Variants in CDK14 observed in about 807,000 individuals in gnomAD.
CDK14 encodes cyclin-dependent kinase 14.
A neutral mutation model predicts 60.7 loss-of-function variants in CDK14; 34 were observed. The observed-to-expected ratio is 0.56, with a 90% CI of 0.43 to 0.75. The LOEUF (loss-of-function observed/expected upper bound fraction) is 0.75, where lower values mean the gene tolerates loss of function less well. Among genes scored for constraint, CDK14 ranks in the 30% least tolerant of loss-of-function variants. The pLI, the probability that CDK14 is intolerant of heterozygous loss-of-function variation, is 0.00. For missense variants in CDK14, 482 were observed against 564.1 expected (o/e 0.85, Z 1.47); for synonymous variants, 197 against 203.7 (o/e 0.97, Z 0.28).
intron 8 of CDK14, among the ~76,000 whole-genome samples, chr7:90,921,115 C>G (rs1793236774): frequency 6.6e-6 from 1 of 152,306 alleles, no homozygotes; most frequent in East Asian, 1.9e-4. Context: ...CATTCAGACT[C>G]ATTTCCTAAA....
At chr7:91,048,220 T>G (rs1429896823) in intron 11 of CDK14, among the ~76,000 whole-genome samples, 1 of 152,202 alleles carries the variant, frequency 6.6e-6, no homozygotes, top group Admixed American at 6.5e-5. Flanking sequence ...CTTTCCTTTA[T>G]GTAAATGTAA....
intron 3 of CDK14, among the ~76,000 whole-genome samples, chr7:90,746,927 G>T (rs184658447): frequency 1.3e-5 from 2 of 152,106 alleles, no homozygotes; most frequent in African/African-American, 2.4e-5. Context: ...TCACTAAAAG[G>T]TATCAGAAGA....
chr7:90,850,454 A>T (rs1790612080), intron 5 of CDK14, among the ~76,000 whole-genome samples: 1 of 152,188 alleles, frequency 6.6e-6, no homozygotes, highest in Non-Finnish European at 1.5e-5. Context: ...TCAGGTTATT[A>T]TAATACTGTG....
chr7:91,080,826 A>G (rs1798465949), intron 12 of CDK14, among the ~76,000 whole-genome samples: 1 of 152,230 alleles, frequency 6.6e-6, no homozygotes, highest in East Asian at 1.9e-4. Flanking sequence ...ATCATACTGT[A>G]GCATAGCAGC....
chr7:91,159,110 G>T (rs1260553315), intron 14 of CDK14, among the ~76,000 whole-genome samples: 4 of 152,154 alleles, frequency 2.6e-5, no homozygotes, highest in African/African-American at 4.8e-5. Flanking sequence ...AGCACTGTTT[G>T]GGCAAATATT....
chr7:91,074,864 C>T (rs1798250501), intron 11 of CDK14, among the ~76,000 whole-genome samples: 2 of 152,034 alleles, frequency 1.3e-5, no homozygotes, highest in Admixed American at 1.3e-4. Context: ...CTGTAAACAC[C>T]TCTACACAAA....
chr7:90,863,321 C>CATATT, intron 6 of CDK14, 52 bp downstream of exon 6: 1 of 1,102,056 alleles, frequency 9.1e-7, no homozygotes, highest in Non-Finnish European at 1.4e-6. Flanking sequence ...GAATGAAATT[C>CATATT]TTATAGTGTT....
chr7:90,786,865 G>GCA (rs1219182604), intron 4 of CDK14, among the ~76,000 whole-genome samples: 1 of 145,624 alleles, frequency 6.9e-6, no homozygotes, highest in African/African-American at 2.6e-5. Context: ...GCTGGAGGCT[G>GCA]CAGTGAGCCA....
intron 4 of CDK14, among the ~76,000 whole-genome samples, chr7:90,765,986 G>A (rs747182462): frequency 2.1e-4 from 32 of 152,072 alleles, no homozygotes; most frequent in Non-Finnish European, 4.0e-4. Context: ...CTAATAATGT[G>A]TAGATATGAA....
chr7:90,819,431 TTTAGATAACTCATGTTTACTAA>T (rs1789466342), intron 5 of CDK14, among the ~76,000 whole-genome samples: 1 of 152,116 alleles, frequency 6.6e-6, no homozygotes, highest in Admixed American at 6.5e-5. Flanking sequence ...AAATGCCTAT[TTTAGATAACTCATGTTTACTAA>T]CTGCAATTTG....
intron 13 of CDK14, among the ~76,000 whole-genome samples, chr7:91,115,107 T>C (rs1255000797): frequency 1.3e-5 from 2 of 152,102 alleles, no homozygotes; most frequent in Non-Finnish European, 2.9e-5. Flanking sequence ...TTAAGGAGAT[T>C]TGGAAGGAGA....
intron 2 of CDK14, among the ~76,000 whole-genome samples, chr7:90,611,916 T>A (rs1799546549): frequency 7.1e-6 from 1 of 140,738 alleles, no homozygotes; most frequent in South Asian, 2.4e-4. Flanking sequence ...CACTGCAACC[T>A]CCACCTCCAG....
intron 9 of CDK14, among the ~76,000 whole-genome samples, chr7:90,971,192 A>C (rs1187644994): frequency 2.0e-5 from 3 of 151,408 alleles, no homozygotes; most frequent in African/African-American, 7.3e-5. Context: ...TAGTTATTGA[A>C]CACCTATTTT....
At chr7:91,005,613 C>T (rs1198528564) in intron 10 of CDK14, among the ~76,000 whole-genome samples, 1 of 152,150 alleles carries the variant, frequency 6.6e-6, no homozygotes, top group Non-Finnish European at 1.5e-5. Context: ...GCTCCTAGTC[C>T]AAGCAAGATG....
intron 2 of CDK14, chr7:90,631,864 A>G (rs1800004685): frequency 6.6e-6 from 1 of 152,268 alleles, no homozygotes; most frequent in Non-Finnish European, 1.5e-5. Flanking sequence ...CTGAAGGTGA[A>G]TCCATTTAAG....
At chr7:90,986,794 AATTAT>A (rs920716614) in intron 10 of CDK14, among the ~76,000 whole-genome samples, 4 of 151,956 alleles carry the variant, frequency 2.6e-5, no homozygotes, top group Non-Finnish European at 4.4e-5. Context: ...AGTATAACCA[AATTAT>A]ATTCTGATAA....
Position 90,949,652 on chromosome 7 carries a change from A to G in CDK14, c.827-6045A>G, listed in dbSNP as rs761054626. ...TGTCTTCTGGACTTAATTCCTTTTT[A>G]TTTATGTTCAAAGAATACCCTTATT... is the stretch of plus-strand genomic sequence containing the variant. On this transcript the variant is annotated intron_variant, in intron 8 of 14. Coordinates refer to ENST00000380050, the MANE Select transcript of CDK14 (RefSeq NM_001287135.2). Among the ~76,000 whole-genome samples the G allele has an allele frequency of 1.4e-4, 21 of 152,290 alleles. No individual in the cohort carries two copies. The Middle Eastern group carries it at 0.01, about 74-fold the overall frequency.
At chr7:91,070,284 G>A (rs1798104014) in intron 11 of CDK14, among the ~76,000 whole-genome samples, 1 of 152,072 alleles carries the variant, frequency 6.6e-6, no homozygotes, top group African/African-American at 2.4e-5. Context: ...GGTGGTGGTG[G>A]TGGTGGTGGT....
At chr7:90,698,917 A>G (rs1014361461) in intron 2 of CDK14, among the ~76,000 whole-genome samples, 2 of 152,214 alleles carry the variant, frequency 1.3e-5, no homozygotes, top group African/African-American at 2.4e-5. Flanking sequence ...ACAAGGGGAA[A>G]TATGACAGTG....
Sources: gnomAD v4.1 joint callset for allele counts (sites outside exome capture counted in the v4.1 genomes callset) on GRCh38, gnomAD v4.1.1 for gene constraint, MANE v1.5 for transcripts, NCBI Gene and HGNC (gene_info 2026-07-23, HGNC 2026-07-21) for gene names.